PSCA: variants seen among roughly 807,000 people sequenced by gnomAD.
The protein encoded by PSCA is prostate stem cell antigen.
In PSCA, 7 loss-of-function variants were observed where a neutral mutation model predicts 7.9. The ratio of observed to expected loss-of-function variants is 0.89; its 90% confidence interval spans 0.51 to 1.67. The LOEUF is 1.67. PSCA is among the 40% of genes most tolerant of loss of function. PSCA has a pLI of 0.00. For synonymous variants in PSCA, 61 were observed against 68.3 expected (o/e 0.89, Z 0.53); for missense variants, 151 against 147.9 (o/e 1.02, Z -0.11).
chr8:142,680,954 G>C (rs1400744217), intron 1 of PSCA: 3 of 461,734 alleles, frequency 6.5e-6, no homozygotes, highest in Non-Finnish European at 1.2e-5. Flanking sequence ...AGGTGCTGGG[G>C]GTGTCCTGCG....
upstream of PSCA, chr8:142,675,868 C>T (rs2978979): frequency 6.6e-6 from 1 of 152,072 alleles, no homozygotes; most frequent in African/African-American, 2.4e-5. Context: ...TTTTCCAAAG[C>T]AAAGATGCTA....
exon 1 of PSCA, chr8:142,670,320 T>A (rs1176410555): frequency 6.6e-6 from 1 of 152,308 alleles, no homozygotes; most frequent in Non-Finnish European, 1.5e-5. Context: ...CAGTGAACCC[T>A]GCGCTGAAGG....
chr8:142,679,455 T>C (rs587717674), upstream of PSCA, among the ~76,000 whole-genome samples: 140 of 152,348 alleles, frequency 9.2e-4, no homozygotes, highest in African/African-American at 3.4e-3. Flanking sequence ...AAGACATTTA[T>C]TCTGAGCCAA....
upstream of PSCA, among the ~76,000 whole-genome samples, chr8:142,677,600 G>A (rs1175534002): frequency 1.3e-5 from 2 of 152,298 alleles, no homozygotes; most frequent in South Asian, 2.1e-4. Flanking sequence ...GCCAGAGTCC[G>A]GGCGAGCTGG....
chr8:142,675,805 CCCCAGCCAA>C (rs2129860550), upstream of PSCA: 1 of 152,384 alleles, frequency 6.6e-6, no homozygotes, highest in African/African-American at 2.4e-5. Context: ...CACTGAGTGC[CCCCAGCCAA>C]CCCATGTGCA....
At chr8:142,681,280 G>A (rs782159771) in intron 1 of PSCA, 47 bp from the exon 2 acceptor site, 60 of 1,437,746 alleles carry the variant, frequency 4.2e-5, no homozygotes, top group South Asian at 6.2e-5. Context: ...CATTCCTGGG[G>A]AGTGCTATGG....
chr8:142,677,862 A>G (rs1847416467), upstream of PSCA, among the ~76,000 whole-genome samples: 1 of 152,092 alleles, frequency 6.6e-6, no homozygotes, highest in Non-Finnish European at 1.5e-5. Context: ...GACAATTTCC[A>G]TGGAAAAGAG....
In PSCA at chr8:142,682,617, T is replaced by TGGGGCCTG. The variant is rs781848403; in HGVS notation, c.*487_*494dup. On this transcript the variant is annotated 3_prime_UTR_variant, in exon 3 of 3. Coordinates refer to ENST00000301258, the MANE Select transcript of PSCA (RefSeq NM_005672.5). ...GTGAGTTCCTGGGAGTCTCCAGAGA[T>TGGGGCCTG]GGGGCCTGGAGGCCTGGAGGAAGGG... The TGGGGCCTG allele has an allele frequency of 1.7e-5, 6 of 358,748 alleles. No homozygotes were observed. The highest frequency in any genetic ancestry group is 3.3e-5 in the Non-Finnish European group (6 of 179,300). The allele number at this position is 358,748 out of a possible 1,614,324, so 22.2% of individuals were successfully genotyped here.
At chr8:142,679,726 G>T (rs2920280), upstream of PSCA, among the ~76,000 whole-genome samples, 14 of 152,078 alleles carry the variant, frequency 9.2e-5, no homozygotes, top group Non-Finnish European at 1.5e-4. Context: ...TGGGTTATAC[G>T]GGGTTGTGGA....
intron 2 of PSCA, 53 bp downstream of exon 2, chr8:142,681,487 A>C (rs2129874699): frequency 6.8e-7 from 1 of 1,472,138 alleles, no homozygotes; most frequent in Non-Finnish European, 9.3e-7. Context: ...CTGAACTATT[A>C]ATCTTTCTGG....
At chr8:142,677,527 G>A (rs146318447), upstream of PSCA, among the ~76,000 whole-genome samples, 1 of 152,348 alleles carries the variant, frequency 6.6e-6, no homozygotes, top group East Asian at 1.9e-4. Flanking sequence ...ATTTGAGGAC[G>A]GAAAGTTCCA....
chr8:142,679,212 G>A (rs1302008298), upstream of PSCA, among the ~76,000 whole-genome samples: 2 of 152,220 alleles, frequency 1.3e-5, no homozygotes, highest in East Asian at 1.9e-4. Flanking sequence ...ACAGCCCTGG[G>A]CCTAGCCGCT....
At chr8:142,672,635 C>T (rs1342475036) in intron 1 of PSCA, among the ~76,000 whole-genome samples, 2 of 152,258 alleles carry the variant, frequency 1.3e-5, no homozygotes, top group South Asian at 4.2e-4. Flanking sequence ...GGGGTAAATA[C>T]CTGGGGTTCA....
At chr8:142,677,446 G>A (rs1460151413), upstream of PSCA, among the ~76,000 whole-genome samples, 2 of 152,258 alleles carry the variant, frequency 1.3e-5, no homozygotes, top group African/African-American at 2.4e-5. Context: ...AGTCACCCAC[G>A]TGAGAACCAC....
intron 2 of PSCA, 54 bp downstream of exon 2, chr8:142,681,488 A>G (rs781902948): frequency 7.1e-5 from 104 of 1,467,432 alleles, no homozygotes; most frequent in Middle Eastern, 6.8e-4. Flanking sequence ...TGAACTATTA[A>G]TCTTTCTGGC....
At chr8:142,680,450 C>G, upstream of PSCA, 1 of 1,484,680 alleles carries the variant, frequency 6.7e-7, no homozygotes. Flanking sequence ...AGTCCAGCCT[C>G]TCCCCATTTG....
upstream of PSCA, among the ~76,000 whole-genome samples, chr8:142,679,340 C>G (rs192216581): frequency 1.2e-3 from 189 of 152,348 alleles, no homozygotes; most frequent in African/African-American, 4.3e-3. Context: ...GCCCAGGGCT[C>G]AGCCCACACT....
At chr8:142,681,456 G>A (rs782767387) in intron 2 of PSCA, 22 bp downstream of exon 2, 59 of 1,556,640 alleles carry the variant, frequency 3.8e-5, no homozygotes, top group South Asian at 3.2e-4. Flanking sequence ...GACGACAGCC[G>A]CCAGGCCTAG....
intron 1 of PSCA, among the ~76,000 whole-genome samples, chr8:142,671,807 CA>C (rs1847333272): frequency 6.6e-6 from 1 of 152,168 alleles, no homozygotes; most frequent in Admixed American, 6.5e-5. Context: ...GCTGGGATTC[CA>C]GGCACGAGCC....
Sources: allele counts gnomAD v4.1 joint callset (sites outside exome capture counted in the v4.1 genomes callset), GRCh38; gene constraint gnomAD v4.1.1; transcripts MANE v1.5; gene names NCBI Gene and HGNC (gene_info 2026-07-23, HGNC 2026-07-21).